THUMPD3: variants seen among roughly 807,000 people sequenced by gnomAD.
THUMPD3 encodes the protein THUMP domain 3 tRNA guanosine methyltransferase.
Under a neutral mutation model 54.5 loss-of-function variants are expected in THUMPD3, and 44 were observed. The ratio of observed to expected loss-of-function variants is 0.81; its 90% CI spans 0.63 to 1.04. The LOEUF (loss-of-function observed/expected upper bound fraction) is 1.04. THUMPD3 is among the 50% of genes least tolerant of loss of function. The pLI is 0.00. For missense variants in THUMPD3, 604 were observed against 601.3 expected, an observed-to-expected ratio of 1.00 and a Z score of -0.05; for synonymous variants, 196 against 201.4, an observed-to-expected ratio of 0.97 and a Z score of 0.23.
chr3:9,367,862 G>A (rs2031686999), intron 3 of THUMPD3, among the ~76,000 whole-genome samples: 4 of 152,136 alleles, frequency 2.6e-5, no homozygotes, highest in South Asian at 2.1e-4. Flanking sequence ...TCAGGAGATC[G>A]AGACCATCCT....
intron 1 of THUMPD3, 163 bp downstream of exon 1, chr3:9,363,290 G>T (rs1429318872): frequency 6.6e-6 from 1 of 152,178 alleles, no homozygotes; most frequent in Non-Finnish European, 1.5e-5. Context: ...GCCTTTACCC[G>T]CTCCCTAGGA....
At chr3:9,381,397 C>G (rs1167338853) in intron 7 of THUMPD3, among the ~76,000 whole-genome samples, 2 of 152,100 alleles carry the variant, frequency 1.3e-5, no homozygotes, top group African/African-American at 2.4e-5. Context: ...TGTGAATCAC[C>G]TAGGAGTACT....
chr3:9,385,050 G>C lies in THUMPD3; in HGVS notation c.*362G>C. 3 of 196,472 alleles carry C rather than the reference G, an allele frequency of 1.5e-5. No homozygotes were observed. The highest frequency in any genetic ancestry group is 8.4e-5 in the South Asian group (1 of 11,884). The allele number at this position is 196,472 out of a possible 1,614,324, so 12.2% of individuals were successfully genotyped here. A position where few individuals can be genotyped will look rare whatever the true frequency, so the allele number is the denominator to read the frequency against. The stretch of plus-strand genomic sequence containing the variant: ...AACTACTCAGGAGGCTGAGGCTAGA[G>C]AATCACTTGAACCCAGCAGGCGGAG... On this transcript the variant is annotated 3_prime_UTR_variant, in exon 10 of 10. Transcript: ENST00000452837.
At chr3:9,372,832 A>G (rs1180407810) in intron 4 of THUMPD3, among the ~76,000 whole-genome samples, 1 of 152,226 alleles carries the variant, frequency 6.6e-6, no homozygotes, top group Non-Finnish European at 1.5e-5. Context: ...CAGCTGATAT[A>G]TTTACCAAAG....
intron 6 of THUMPD3, among the ~76,000 whole-genome samples, chr3:9,379,931 C>T (rs958931914): frequency 1.3e-5 from 2 of 152,190 alleles, no homozygotes; most frequent in Non-Finnish European, 2.9e-5. Context: ...CTCAAGAAAT[C>T]CTCCTGCCTC....
chr3:9,371,177 A>C lies in THUMPD3; in HGVS notation c.448A>C (p.Asn150His). 6.2e-7 allele frequency: 1 copy of C among 1,612,238 alleles called. No homozygotes were observed. Among genetic ancestry groups the C allele is most frequent in the East Asian group, 2.2e-5 (1 of 44,870 alleles). ...GAAAAAAGCAAAGCGCAAAAAGATA[A>C]ATCAGAATTCAAGTAAAGAGAAGAT... ...KKKKAKRKKI[N>H]QNSSKEKINN... The change falls in exon 4 of 10, where the codon AAT becomes CAT. Residue 150 changes from asparagine to histidine, a missense_variant. Transcript: ENST00000452837.
Position 9,371,649 on chromosome 3 carries a change from T to C in THUMPD3, c.807+113T>C, listed in dbSNP as rs1002409198. ...AACTGAGGAAATAGTAGGGTGTGGT[T>C]AAGAAGAGCATAGGCTATGGAGACA... On this transcript the variant is annotated intron_variant, in intron 4 of 9. Coordinates refer to ENST00000452837, the MANE Select transcript of THUMPD3 (RefSeq NM_001114092.2). 79 of 936,330 alleles carry C rather than the reference T, an allele frequency of 8.4e-5. No homozygotes were observed. The African/African-American group carries it at 1.1e-3, about 13-fold the overall frequency. The allele number at this position is 936,330 out of a possible 1,614,324, so 58.0% of individuals were successfully genotyped here. A position where few individuals can be genotyped will look rare whatever the true frequency, so the allele number is the denominator to read the frequency against.
rs891138103 is a variant in THUMPD3, at chr3:9,386,398, C to T, written c.*1710C>T. 1 of 148,400 alleles carries T rather than the reference C, an allele frequency of 6.7e-6. No homozygotes were observed. Among genetic ancestry groups the T allele is most frequent in the African/African-American group, 2.5e-5 (1 of 40,338 alleles). 9.2% of individuals were successfully genotyped at this position (148,400 alleles called of 1,614,324 possible). On this transcript the variant is annotated 3_prime_UTR_variant, in exon 10 of 10. Transcript: ENST00000452837. ...CCACCCCCCCACCCCCCACTCCACC[C>T]CCCACTAAGGGCAGGGTATTGTATC... is the stretch of plus-strand genomic sequence containing the variant.
intron 3 of THUMPD3, among the ~76,000 whole-genome samples, chr3:9,369,661 A>G (rs9862626): frequency 0.023 from 3,486 of 152,294 alleles, 133 homozygotes; most frequent in African/African-American, 0.076. Context: ...TGGCTGTATA[A>G]TAATTTAACC....
rs764732133 is a variant in THUMPD3 at position 9,368,360 on chromosome 3, A to ATTT, written c.330+1393_330+1395dup. Among the ~76,000 whole-genome samples, 23 of 116,896 alleles carry ATTT rather than the reference A, an allele frequency of 2.0e-4. 1 individual carries two copies. Among genetic ancestry groups the ATTT allele is most frequent in the African/African-American group, 4.9e-4 (15 of 30,682 alleles). 76.7% of individuals were successfully genotyped at this position (116,896 alleles called of 152,430 possible). On this transcript the variant is annotated intron_variant, in intron 3 of 9. Coordinates refer to ENST00000452837, the MANE Select transcript of THUMPD3 (RefSeq NM_001114092.2). ...CCATTCCCCACCTCCACCCGCGCAT[A>ATTT]TTTTTTTTTTTTTTTTTTTTGAGAC...
At chr3:9,373,854 T>TG (rs555500094) in intron 4 of THUMPD3, among the ~76,000 whole-genome samples, 100 of 152,324 alleles carry the variant, frequency 6.6e-4, no homozygotes, top group African/African-American at 2.2e-3. Context: ...GCTGGGACTG[T>TG]GGGCCTGTGC....
intron 4 of THUMPD3, among the ~76,000 whole-genome samples, chr3:9,372,927 T>A (rs2032176067): frequency 6.6e-6 from 1 of 152,150 alleles, no homozygotes; most frequent in Non-Finnish European, 1.5e-5. Context: ...ATCAGGAGTC[T>A]AATTCCCCAT....
chr3:9,383,161 T>C (rs369577485), intron 7 of THUMPD3, 38 bp from the exon 8 acceptor site: 13 of 1,432,558 alleles, frequency 9.1e-6, no homozygotes, highest in Non-Finnish European at 1.2e-5. Flanking sequence ...ACTTTATGCT[T>C]CACAGTATGT....
At chr3:9,372,356 G>A (rs981805287) in intron 4 of THUMPD3, among the ~76,000 whole-genome samples, 14 of 152,248 alleles carry the variant, frequency 9.2e-5, no homozygotes, top group Non-Finnish European at 1.6e-4. Context: ...GAGGCAGGTG[G>A]ATCACTTGAG....
intron 3 of THUMPD3, among the ~76,000 whole-genome samples, chr3:9,369,628 T>C (rs551750255): frequency 2.0e-5 from 3 of 152,326 alleles, no homozygotes; most frequent in African/African-American, 7.2e-5. Context: ...ATTGCTGGAA[T>C]TGGCTGCGTA....
rs780547178 is a variant in THUMPD3 at position 9,384,539 on chromosome 3, C to A, written c.1375C>A (p.Arg459=). ...KCFTKALSGM[R]HVWRKVDTVW... is the part of the protein sequence containing the mutation. ...GTGTACACAGGCGTTATCTGGAATG[C>A]GACACGTATGGCGAAAGGTGGATAC... Residue 459 remains arginine (R), a synonymous_variant, in exon 10 of 10, where the codon CGA becomes AGA. Coordinates refer to ENST00000452837, the MANE Select transcript of THUMPD3 (RefSeq NM_001114092.2). 10 of 1,614,162 alleles carry A rather than the reference C, an allele frequency of 6.2e-6. No homozygotes were observed. The highest frequency in any genetic ancestry group is 5.5e-5 in the South Asian group (5 of 91,086).
At chr3:9,364,493 C>G (rs1237755217) in intron 1 of THUMPD3, among the ~76,000 whole-genome samples, 1 of 152,004 alleles carries the variant, frequency 6.6e-6, no homozygotes, top group African/African-American at 2.4e-5. Context: ...ATTACAGGCT[C>G]CCACCACCAC....
Position 9,365,098 on chromosome 3 carries a change from A to G in THUMPD3, c.30A>G (p.Gln10=), listed in dbSNP as rs538809782. 564 of 1,614,008 alleles carry G rather than the reference A, an allele frequency of 3.5e-4. No homozygotes were observed. Among genetic ancestry groups the G allele is most frequent in the Non-Finnish European group, 4.5e-4 (534 of 1,180,022 alleles). The change falls in exon 2 of 10, where the codon CAA becomes CAG. Residue 10 remains glutamine (Q), a synonymous_variant. Transcript: ENST00000452837. MCDIEEATN[Q]LLDVNLHENQ... ...GTGACATTGAAGAAGCCACTAACCA[A>G]CTCCTAGATGTGAACCTTCATGAGA...
chr3:9,384,516 G>A lies in THUMPD3; in HGVS notation c.1360-8G>A. The A allele has an allele frequency of 2.5e-6, 4 of 1,613,620 alleles. No individual in the cohort carries two copies. Among genetic ancestry groups the A allele is most frequent in the African/African-American group, 1.3e-5 (1 of 74,878 alleles). On this transcript the variant is annotated splice_region_variant and splice_polypyrimidine_tract_variant and intron_variant, in intron 9 of 9. Transcript: ENST00000452837. ...AACCTAATTGTTATTTTTTTTGTGT[G>A]TACACAGGCGTTATCTGGAATGCGA... is the stretch of plus-strand genomic sequence containing the variant.
Sources: allele counts gnomAD v4.1 joint callset (sites outside exome capture counted in the v4.1 genomes callset), GRCh38; gene constraint gnomAD v4.1.1; transcripts MANE v1.5; gene names NCBI Gene and HGNC (gene_info 2026-07-23, HGNC 2026-07-21).